PGS1: variants seen among roughly 807,000 people sequenced by gnomAD.
PGS1 encodes phosphatidylglycerophosphate synthase 1.
PGS1 carries 44 observed loss-of-function variants against 58.3 expected under a neutral mutation model. The ratio of observed to expected loss-of-function variants is 0.75; its 90% CI spans 0.59 to 0.97. The LOEUF (loss-of-function observed/expected upper bound fraction) is 0.97. Among genes scored for constraint, PGS1 ranks in the 50% least tolerant of loss-of-function variants. PGS1 has a pLI of 0.00. For synonymous variants in PGS1, 330 were observed against 311.0 expected (o/e 1.06, Z -0.64); for missense variants, 684 against 731.1 (o/e 0.94, Z 0.74).
At chr17:78,407,603 C>T (rs1340671866) in intron 7 of PGS1, among the ~76,000 whole-genome samples, 1 of 152,258 alleles carries the variant, frequency 6.6e-6, no homozygotes, top group Non-Finnish European at 1.5e-5. Context: ...CCTCCACTCC[C>T]TTACTCAGGT....
chr17:78,407,839 G>A (rs988686619), intron 7 of PGS1, among the ~76,000 whole-genome samples: 1 of 152,240 alleles, frequency 6.6e-6, no homozygotes, highest in African/African-American at 2.4e-5. Context: ...AGAGCAGCGT[G>A]GGGGGAAGAG....
intron 9 of PGS1, 112 bp downstream of exon 9, chr17:78,419,787 C>G (rs886091468): frequency 2.6e-6 from 4 of 1,537,740 alleles, no homozygotes; most frequent in Non-Finnish European, 3.5e-6. Flanking sequence ...ATCCCTTTCT[C>G]AGTTAAACAC....
Position 78,420,251 on chromosome 17 carries a change from G to A in PGS1, c.*10+576G>A, listed in dbSNP as rs149960479. The A allele has an allele frequency of 1.0e-3, 994 of 987,548 alleles. 12 individuals carry two copies. The African/African-American group carries it at 0.016, about 16-fold the overall frequency. The allele number at this position is 987,548 out of a possible 1,614,324, so 61.2% of individuals were successfully genotyped here. A position where few individuals can be genotyped will look rare whatever the true frequency, so the allele number is the denominator to read the frequency against. ...CTAGACTCTGGAAGTTGAGTAACAG[G>A]ACCTGCTCTGCCCACCCAGGAGGGG... On this transcript the variant is annotated intron_variant, in intron 9 of 9. Coordinates refer to ENST00000262764, the MANE Select transcript of PGS1 (RefSeq NM_024419.5).
intron 1 of PGS1, among the ~76,000 whole-genome samples, chr17:78,380,478 G>A (rs2081963501): frequency 6.6e-6 from 1 of 152,218 alleles, no homozygotes; most frequent in Admixed American, 6.5e-5. Context: ...TTGGAAACCT[G>A]CTAGGTTTCA....
intron 7 of PGS1, among the ~76,000 whole-genome samples, chr17:78,411,902 CTTTTTTTTTTTTTT>C (rs35472026): frequency 5.2e-5 from 3 of 58,010 alleles, no homozygotes; most frequent in South Asian, 1.1e-3. Flanking sequence ...AGGGCTCCTG[CTTTTTTTTTTTTTT>C]TTTTTTTTTT....
chr17:78,418,382 G>A (rs138713992), intron 8 of PGS1, among the ~76,000 whole-genome samples: 117 of 152,232 alleles, frequency 7.7e-4, no homozygotes, highest in African/African-American at 2.6e-3. Context: ...TGTGTACAGC[G>A]CACGGAGGCA....
chr17:78,386,415 A>G (rs896247969), intron 1 of PGS1, among the ~76,000 whole-genome samples: 2 of 152,108 alleles, frequency 1.3e-5, no homozygotes, highest in Admixed American at 6.6e-5. Flanking sequence ...TCAGAGAGGC[A>G]AGGGTGGCAG....
rs549548030 is a variant in PGS1, at chr17:78,422,071, A to ATTACT, written c.*11-1987_*11-1983dup. The stretch of plus-strand genomic sequence containing the variant: ...CCCACAATATGTATGTGTGGACTAG[A>ATTACT]TTACTTTCTTATTTCAGGATCTAAA... On this transcript the variant is annotated intron_variant, in intron 9 of 9. Coordinates refer to ENST00000262764, the MANE Select transcript of PGS1 (RefSeq NM_024419.5). Among the ~76,000 whole-genome samples, 18 of 152,306 alleles carry ATTACT rather than the reference A, an allele frequency of 1.2e-4. No individual in the cohort carries two copies. In the South Asian group the frequency reaches 3.7e-3, roughly 32 times the overall value.
At chr17:78,390,846 G>A (rs1277583688) in intron 1 of PGS1, among the ~76,000 whole-genome samples, 1 of 152,184 alleles carries the variant, frequency 6.6e-6, no homozygotes, top group East Asian at 1.9e-4. Flanking sequence ...CTGGGGTGCA[G>A]CTTTATGTGG....
chr17:78,403,963 G>A lies in PGS1; in HGVS notation c.1276G>A (p.Gly426Ser), dbSNP rs1186106289. 3.7e-6 allele frequency: 6 copies of A among 1,614,138 alleles called. No individual in the cohort carries two copies. The highest frequency in any genetic ancestry group is 2.2e-5 in the East Asian group (1 of 44,890). ...CTTCTTTGGGGCCAAGGGGGTGGCC[G>A]GCGCCATCCCAGCGGCCTATGTGCA... ...NGFFGAKGVAGAIPAAYVHIE... is the reference protein window; with the variant it reads ...NGFFGAKGVASAIPAAYVHIE... Residue 426 changes from glycine (G) to serine (S), a missense_variant, in exon 7 of 10, where the codon GGC becomes AGC. By Grantham distance (56) the Gly-to-Ser change is moderately conservative (BLOSUM62 0). Transcript: ENST00000262764.
At chr17:78,389,584 G>T (rs969964593) in intron 1 of PGS1, among the ~76,000 whole-genome samples, 1 of 109,376 alleles carries the variant, frequency 9.1e-6, no homozygotes, top group East Asian at 2.4e-4. Context: ...GCCTCCCAAA[G>T]TACTGGAATT....
intron 8 of PGS1, among the ~76,000 whole-genome samples, chr17:78,416,591 G>A (rs573358345): frequency 1.1e-3 from 170 of 152,298 alleles, no homozygotes; most frequent in Non-Finnish European, 1.7e-3. Flanking sequence ...AAAAGCTGGG[G>A]CCGCCTGTGG....
intron 8 of PGS1, 151 bp downstream of exon 8, chr17:78,415,178 T>G: frequency 1.2e-6 from 1 of 869,054 alleles, no homozygotes; most frequent in Non-Finnish European, 1.8e-6. Flanking sequence ...TCTCCAAGAG[T>G]GCAGTGATGG....
rs768293775 is a variant in PGS1 at position 78,403,968 on chromosome 17, C to T, written c.1281C>T (p.Ala427=). The T allele has an allele frequency of 1.2e-6, 2 of 1,614,118 alleles. No homozygotes were observed. Residue 427 remains alanine (A), a synonymous_variant, in exon 7 of 10, where the codon GCC becomes GCT. Transcript: ENST00000262764. ...GFFGAKGVAG[A]IPAAYVHIER... ...TTGGGGCCAAGGGGGTGGCCGGCGC[C>T]ATCCCAGCGGCCTATGTGCACATCG...
At chr17:78,390,321 G>T (rs1299185347) in intron 1 of PGS1, among the ~76,000 whole-genome samples, 1 of 87,650 alleles carries the variant, frequency 1.1e-5, no homozygotes, top group Non-Finnish European at 2.4e-5. Flanking sequence ...TCTAGAGACG[G>T]GGGTGGGGGA....
chr17:78,384,312 C>G (rs989677918), intron 1 of PGS1, among the ~76,000 whole-genome samples: 1 of 152,166 alleles, frequency 6.6e-6, no homozygotes, highest in African/African-American at 2.4e-5. Context: ...TTGCATTAGT[C>G]AGGAAGGGCC....
Position 78,392,676 on chromosome 17 carries a change from T to C in PGS1, c.333+11T>C. The C allele has an allele frequency of 6.2e-7, 1 of 1,611,496 alleles. No homozygotes were observed. The highest frequency in any genetic ancestry group is 8.5e-7 in the Non-Finnish European group (1 of 1,178,394). On this transcript the variant is annotated intron_variant, in intron 2 of 9. Transcript: ENST00000262764. ...TTCGAGCTCATGAAGGTAAGTGGTA[T>C]CTAAAGGAAAGAAGTTTGAGTTAGA...
At position 78,422,353 on chromosome 17, in the gene PGS1, A is replaced by G. The variant is rs377006684; in HGVS notation, c.*11-1708A>G. 5.9e-5 allele frequency among the ~76,000 whole-genome samples: 9 copies of G among 152,264 alleles called. 1 individual carries two copies. The East Asian group carries it at 7.7e-4, about 13-fold the overall frequency. The stretch of plus-strand genomic sequence containing the variant: ...CCCTCCGATAGCCCTACTGGGCGCT[A>G]AGATTGTTGTGAATCATTACCCTCA... On this transcript the variant is annotated intron_variant, in intron 9 of 9. Transcript: ENST00000262764.
intron 3 of PGS1, among the ~76,000 whole-genome samples, chr17:78,397,428 A>T (rs1332674397): frequency 5.1e-5 from 5 of 97,788 alleles, no homozygotes; most frequent in African/African-American, 1.7e-4. Context: ...TCTCCTAGGA[A>T]GGAGGCCTCC....
Sources: allele counts gnomAD v4.1 joint callset (sites outside exome capture counted in the v4.1 genomes callset), GRCh38; gene constraint gnomAD v4.1.1; transcripts MANE v1.5; gene names NCBI Gene and HGNC (gene_info 2026-07-23, HGNC 2026-07-21).